The following GOPC variants were observed in gnomAD, a reference collection of about 807,000 sequenced individuals.
GOPC encodes golgi associated PDZ and coiled-coil motif containing.
Under a neutral mutation model 51.2 loss-of-function variants are expected in GOPC, and 32 were observed. That is an observed-to-expected ratio of 0.63 (90% CI 0.47 to 0.84). The LOEUF is 0.84. Among genes scored for constraint, GOPC ranks in the 40% least tolerant of loss-of-function variants. The pLI, the probability that GOPC is intolerant of heterozygous loss-of-function variation, is 0.00. For synonymous variants in GOPC, 190 were observed against 205.1 expected (o/e 0.93, Z 0.63); for missense variants, 441 against 555.5 (o/e 0.79, Z 2.07).
chr6:117,600,416 A>G (rs1173391650), intron 1 of GOPC, among the ~76,000 whole-genome samples: 3 of 152,216 alleles, frequency 2.0e-5, no homozygotes, highest in African/African-American at 7.2e-5. Flanking sequence ...ATACTGTCAC[A>G]TTGAGGATTA....
intron 1 of GOPC, among the ~76,000 whole-genome samples, chr6:117,580,553 C>T (rs1279810036): frequency 1.3e-5 from 2 of 152,044 alleles, no homozygotes; most frequent in African/African-American, 4.8e-5. Context: ...AACTGATATT[C>T]AATCTAACAG....
intron 6 of GOPC, 195 bp from the exon 7 acceptor site, chr6:117,569,931 A>T: frequency 1.8e-6 from 1 of 543,432 alleles, no homozygotes; most frequent in Non-Finnish European, 2.8e-6. Flanking sequence ...AATTGGCTAA[A>T]TTCTTAAATT....
chr6:117,572,669 C>T (rs983740105), intron 5 of GOPC, among the ~76,000 whole-genome samples: 13 of 152,230 alleles, frequency 8.5e-5, no homozygotes, highest in Middle Eastern at 3.4e-3. Flanking sequence ...TCCTCCTAAC[C>T]GCTCCATTTC....
intron 1 of GOPC, among the ~76,000 whole-genome samples, chr6:117,587,271 T>C (rs1780046326): frequency 6.6e-6 from 1 of 152,150 alleles, no homozygotes; most frequent in African/African-American, 2.4e-5. Context: ...GACAAGCAAA[T>C]GTAATCCTCA....
At chr6:117,578,879 G>A (rs780352543) in intron 2 of GOPC, 21 bp downstream of exon 2, 33 of 1,533,172 alleles carry the variant, frequency 2.2e-5, no homozygotes, top group Non-Finnish European at 2.7e-5. Context: ...GCAAGGGCAT[G>A]TCACTCTCTA....
intron 1 of GOPC, among the ~76,000 whole-genome samples, chr6:117,598,834 A>G (rs1421572469): frequency 6.6e-6 from 1 of 152,206 alleles, no homozygotes; most frequent in African/African-American, 2.4e-5. Flanking sequence ...CTAGTATTCT[A>G]TAGCACCATA....
chr6:117,588,671 C>A (rs1274458983), intron 1 of GOPC, among the ~76,000 whole-genome samples: 1 of 151,802 alleles, frequency 6.6e-6, no homozygotes, highest in Non-Finnish European at 1.5e-5. Context: ...AATTTAAAAT[C>A]ATTTATATTA....
chr6:117,570,375 C>A (rs1779786570), intron 6 of GOPC, among the ~76,000 whole-genome samples: 1 of 151,942 alleles, frequency 6.6e-6, no homozygotes, highest in Non-Finnish European at 1.5e-5. Context: ...ATTAAAGCCA[C>A]CTTATTCATT....
At chr6:117,594,671 G>A (rs1470337081) in intron 1 of GOPC, among the ~76,000 whole-genome samples, 1 of 152,178 alleles carries the variant, frequency 6.6e-6, no homozygotes, top group Non-Finnish European at 1.5e-5. Flanking sequence ...CAGATTTAAA[G>A]CAGCAAAGGG....
chr6:117,575,409 A>C, intron 3 of GOPC, 57 bp from the exon 4 acceptor site: 1 of 1,265,966 alleles, frequency 7.9e-7, no homozygotes, highest in Admixed American at 1.8e-5. Flanking sequence ...TTAGCACTAG[A>C]CCATGTTCCT....
At position 117,602,194 on chromosome 6, in the gene GOPC, C is replaced by CG; in HGVS notation, c.94dup (p.Arg32ProfsTer34). The CG allele has an allele frequency of 6.2e-7, 1 of 1,611,656 alleles. No homozygotes were observed. The highest frequency in any genetic ancestry group is 8.5e-7 in the Non-Finnish European group (1 of 1,180,006). On this transcript the variant is annotated frameshift_variant, in exon 1 of 9. Transcript: ENST00000368498. LOFTEE classifies it high-confidence loss of function. ...CTCCTTCTCCAGCACCTCCAGCCACCGGAACATGGATACCCCGCCAGGGGC... is the reference window on the plus strand; with the variant it reads ...CTCCTTCTCCAGCACCTCCAGCCACCGGGAACATGGATACCCCGCCAGGGGC...
In GOPC at chr6:117,592,624, T is replaced by C. The variant is rs79445403; in HGVS notation, c.285+9380A>G. On this transcript the variant is annotated intron_variant, in intron 1 of 8. Transcript: ENST00000368498. ...TGTGTGTGGCCTTTTCTGTCTCCTA[T>C]CAGCACACTTTCATTGGATTTAGGG... Among the ~76,000 whole-genome samples, 1,090 of 152,262 alleles carry C rather than the reference T, an allele frequency of 7.2e-3. 10 individuals are homozygous for C. The highest frequency in any genetic ancestry group is 0.025 in the African/African-American group (1,035 of 41,548).
intron 1 of GOPC, among the ~76,000 whole-genome samples, chr6:117,586,115 A>G (rs1403157307): frequency 2.0e-5 from 3 of 152,198 alleles, no homozygotes; most frequent in Non-Finnish European, 4.4e-5. Flanking sequence ...TTTAGGATGA[A>G]AGTACAGATT....
intron 1 of GOPC, among the ~76,000 whole-genome samples, chr6:117,588,771 C>T (rs1562146082): frequency 6.7e-6 from 1 of 149,646 alleles, no homozygotes; most frequent in Non-Finnish European, 1.5e-5. Flanking sequence ...TACATTTATA[C>T]TTTTTTTATA....
rs1779934794 is a variant in GOPC, at chr6:117,579,934, CAT to C, written c.286-872_286-871del. ...CATATCAACTGGGTTGATAAATACA[CAT>C]GTGGACCAACTAAAATAATGTGGCA... On this transcript the variant is annotated intron_variant, in intron 1 of 8. Coordinates refer to ENST00000368498, the MANE Select transcript of GOPC (RefSeq NM_020399.4). Among the ~76,000 whole-genome samples, 3 of 152,074 alleles carry C rather than the reference CAT, an allele frequency of 2.0e-5. No individual in the cohort carries two copies. In the South Asian group the frequency reaches 6.2e-4, roughly 31 times the overall value.
At chr6:117,569,784 A>C (rs1779770944) in intron 6 of GOPC, 48 bp from the exon 7 acceptor site, 2 of 1,495,016 alleles carry the variant, frequency 1.3e-6, no homozygotes, top group Non-Finnish European at 8.9e-7. Flanking sequence ...TGTAAGGTAC[A>C]GTTACCGATT....
At chr6:117,601,684 G>T (rs1772012659) in intron 1 of GOPC, among the ~76,000 whole-genome samples, 1 of 152,334 alleles carries the variant, frequency 6.6e-6, no homozygotes, top group South Asian at 2.1e-4. Context: ...TCAAAAGGTG[G>T]CCTACGGTAT....
intron 1 of GOPC, among the ~76,000 whole-genome samples, chr6:117,588,200 T>C (rs1780060889): frequency 6.6e-6 from 1 of 152,126 alleles, no homozygotes; most frequent in Non-Finnish European, 1.5e-5. Context: ...AATATTATTA[T>C]TATAAACAAA....
intron 1 of GOPC, among the ~76,000 whole-genome samples, chr6:117,585,530 CATGAAGAAACTGAGACCTAAGAGATT>C (rs1780018213): frequency 6.6e-6 from 1 of 152,138 alleles, no homozygotes. Flanking sequence ...TTATTTTACA[CATGAAGAAACTGAGACCTAAGAGATT>C]ATGTGAGATG....
Sources: gnomAD v4.1 joint callset for allele counts (sites outside exome capture counted in the v4.1 genomes callset) on GRCh38, gnomAD v4.1.1 for gene constraint, MANE v1.5 for transcripts, NCBI Gene and HGNC (gene_info 2026-07-23, HGNC 2026-07-21) for gene names.